FBN2: variants seen among roughly 807,000 people sequenced by gnomAD.
FBN2 encodes the protein fibrillin-2.
In FBN2, 105 loss-of-function variants were observed where a neutral mutation model predicts 355.6. The observed-to-expected ratio is 0.30, with a 90% CI of 0.25 to 0.35. FBN2 has a LOEUF of 0.35. FBN2 is among the 10% of genes least tolerant of loss of function. The pLI is 1.00. For synonymous variants in FBN2, 1,350 were observed against 1,301.2 expected (o/e 1.04, Z -0.81); for missense variants, 3,280 against 3,758.7 (o/e 0.87, Z 3.33).
At chr5:128,465,706 A>G (rs776906463) in intron 5 of FBN2, among the ~76,000 whole-genome samples, 8 of 152,186 alleles carry the variant, frequency 5.3e-5, no homozygotes, top group Non-Finnish European at 8.8e-5. Context: ...GTGACTGTAC[A>G]TTGTCCAGCT....
chr5:128,510,195 GGAA>G (rs1054906792), intron 5 of FBN2, among the ~76,000 whole-genome samples: 29 of 152,222 alleles, frequency 1.9e-4, no homozygotes, highest in African/African-American at 6.7e-4. Flanking sequence ...GGGCCACACT[GGAA>G]GAAGAATTGT....
intron 51 of FBN2, among the ~76,000 whole-genome samples, chr5:128,289,668 ACTT>A (rs1749264656): frequency 6.6e-6 from 1 of 152,162 alleles, no homozygotes; most frequent in Non-Finnish European, 1.5e-5. Flanking sequence ...ACTTGTAAAT[ACTT>A]CTTTTGTCAG....
At chr5:128,379,343 G>A (rs1038280071) in intron 11 of FBN2, among the ~76,000 whole-genome samples, 2 of 151,890 alleles carry the variant, frequency 1.3e-5, no homozygotes, top group Admixed American at 1.3e-4. Context: ...AGAGATTGAT[G>A]GATTATGGAA....
At chr5:128,266,595 C>G (rs1351009153) in intron 62 of FBN2, among the ~76,000 whole-genome samples, 1 of 152,104 alleles carries the variant, frequency 6.6e-6, no homozygotes, top group Non-Finnish European at 1.5e-5. Flanking sequence ...TCGTTTTGTG[C>G]TAGGTGTTCA....
intron 7 of FBN2, among the ~76,000 whole-genome samples, chr5:128,428,139 C>T (rs902415594): frequency 6.6e-6 from 1 of 152,154 alleles, no homozygotes; most frequent in African/African-American, 2.4e-5. Flanking sequence ...ACCCCTGGTC[C>T]AAGCTACCAT....
intron 7 of FBN2, among the ~76,000 whole-genome samples, chr5:128,409,027 A>G (rs1366520607): frequency 6.6e-6 from 1 of 152,178 alleles, no homozygotes; most frequent in African/African-American, 2.4e-5. Flanking sequence ...ACTAAAGCAG[A>G]ACTCTATACC....
At chr5:128,304,881 T>G in intron 45 of FBN2, 76 bp downstream of exon 45, 1 of 1,573,292 alleles carries the variant, frequency 6.4e-7, no homozygotes, top group Non-Finnish European at 8.7e-7. Context: ...TAGTTACTCA[T>G]GGCACTTGAT....
At chr5:128,394,002 A>C (rs1383698282) in intron 9 of FBN2, among the ~76,000 whole-genome samples, 2 of 152,174 alleles carry the variant, frequency 1.3e-5, no homozygotes, top group Non-Finnish European at 2.9e-5. Context: ...AAAAATTATT[A>C]ATTATATACT....
chr5:128,260,335 G>A (rs530326755), intron 64 of FBN2, among the ~76,000 whole-genome samples: 41 of 152,292 alleles, frequency 2.7e-4, no homozygotes, highest in African/African-American at 9.1e-4. Context: ...GGAGCTATCA[G>A]AGGTACACAG....
intron 20 of FBN2, among the ~76,000 whole-genome samples, chr5:128,354,266 T>G (rs1470664610): frequency 6.6e-6 from 1 of 152,042 alleles, no homozygotes; most frequent in African/African-American, 2.4e-5. Context: ...GATAGATCAG[T>G]GGACTTCAGG....
intron 32 of FBN2, 137 bp from the exon 33 acceptor site, chr5:128,330,832 G>C (rs1399516833): frequency 1.0e-6 from 1 of 981,340 alleles, no homozygotes; most frequent in African/African-American, 1.6e-5. Flanking sequence ...GTTCTAATTC[G>C]CTAAGCTCTC....
intron 18 of FBN2, among the ~76,000 whole-genome samples, chr5:128,364,058 T>C (rs1378845421): frequency 6.6e-6 from 1 of 152,210 alleles, no homozygotes; most frequent in Non-Finnish European, 1.5e-5. Flanking sequence ...CTTGCACTAA[T>C]AGGAAATAAG....
chr5:128,379,318 A>G (rs1166651654), intron 11 of FBN2, among the ~76,000 whole-genome samples: 3 of 152,140 alleles, frequency 2.0e-5, no homozygotes, highest in African/African-American at 7.2e-5. Flanking sequence ...TGTCACTGCT[A>G]TTAGTTTTAA....
intron 53 of FBN2, 42 bp from the exon 54 acceptor site, chr5:128,287,472 C>A: frequency 1.2e-6 from 2 of 1,610,928 alleles, no homozygotes; most frequent in South Asian, 1.1e-5. Context: ...GCCTAGAGTT[C>A]TAATTATTTG....
At position 128,263,388 on chromosome 5, in the gene FBN2, G is replaced by A. The variant is rs561882853; in HGVS notation, c.8192+37C>T. ...TGGCCTGAACTCACTCAGGAACCAT[G>A]TATTCCTCTATGTGCTGAGGCTGAA... On this transcript the variant is annotated intron_variant, in intron 63 of 64. Transcript: ENST00000262464. 63 of 1,485,348 alleles carry A rather than the reference G, an allele frequency of 4.2e-5. 1 individual carries two copies. In the South Asian group the frequency reaches 7.1e-4, roughly 17 times the overall value. 92.0% of individuals were successfully genotyped at this position (1,485,348 alleles called of 1,614,324 possible).
At chr5:128,393,594 G>A (rs888801874) in intron 9 of FBN2, among the ~76,000 whole-genome samples, 2 of 152,238 alleles carry the variant, frequency 1.3e-5, no homozygotes, top group Non-Finnish European at 2.9e-5. Flanking sequence ...TAACTGAGTT[G>A]CATAAACAAT....
chr5:128,508,333 T>C (rs1483989717), intron 5 of FBN2, among the ~76,000 whole-genome samples: 1 of 152,018 alleles, frequency 6.6e-6, no homozygotes, highest in African/African-American at 2.4e-5. Flanking sequence ...CATTAATCAT[T>C]TGTTCTTCTT....
At chr5:128,393,421 C>G (rs1220456530) in intron 9 of FBN2, 53 bp from the exon 10 acceptor site, 1 of 1,482,984 alleles carries the variant, frequency 6.7e-7, no homozygotes, top group Non-Finnish European at 9.4e-7. Flanking sequence ...TTCTGCATAA[C>G]AAAAGCCATT....
At chr5:128,527,739 T>C (rs1756598918) in intron 4 of FBN2, 133 bp downstream of exon 4, 1 of 659,506 alleles carries the variant, frequency 1.5e-6, no homozygotes, top group African/African-American at 1.8e-5. Flanking sequence ...AATTAGAAAT[T>C]CAGTTTTAAG....
Sources: gnomAD v4.1 joint callset for allele counts (sites outside exome capture counted in the v4.1 genomes callset) on GRCh38, gnomAD v4.1.1 for gene constraint, MANE v1.5 for transcripts, NCBI Gene and HGNC (gene_info 2026-07-23, HGNC 2026-07-21) for gene names.